UVRAG: variants seen among roughly 807,000 people sequenced by gnomAD.
The protein encoded by UVRAG is UV radiation resistance associated.
In UVRAG, 19 loss-of-function variants were observed where a neutral mutation model predicts 78.0. That is an observed-to-expected ratio of 0.24 (90% CI 0.17 to 0.36). The LOEUF (loss-of-function observed/expected upper bound fraction) is 0.36. Ranked by LOEUF, UVRAG falls within the 10% of genes least tolerant of loss-of-function variation. The pLI, the probability that UVRAG is intolerant of heterozygous loss-of-function variation, is 1.00. For synonymous variants in UVRAG, 323 were observed against 324.6 expected (o/e 1.00, Z 0.05); for missense variants, 740 against 853.8 (o/e 0.87, Z 1.66).
chr11:75,857,274 G>T (rs1284460637), intron 2 of UVRAG, among the ~76,000 whole-genome samples: 1 of 152,064 alleles, frequency 6.6e-6, no homozygotes, highest in African/African-American at 2.4e-5. Flanking sequence ...TTCCTAGAAG[G>T]CCTTTCATGA....
At chr11:76,052,308 G>A (rs972244459) in intron 12 of UVRAG, among the ~76,000 whole-genome samples, 1 of 152,180 alleles carries the variant, frequency 6.6e-6, no homozygotes, top group Non-Finnish European at 1.5e-5. Context: ...TGATGAAAGA[G>A]TTGCCCTTGT....
chr11:75,921,122 G>A (rs1000776375), intron 6 of UVRAG, among the ~76,000 whole-genome samples: 1 of 152,310 alleles, frequency 6.6e-6, no homozygotes, highest in African/African-American at 2.4e-5. Flanking sequence ...CTGAGTCAAA[G>A]GGTATGTATT....
At chr11:75,834,629 A>G (rs977626875) in intron 1 of UVRAG, among the ~76,000 whole-genome samples, 1 of 152,128 alleles carries the variant, frequency 6.6e-6, no homozygotes, top group Non-Finnish European at 1.5e-5. Flanking sequence ...CCTGGCTAAC[A>G]TGGTGAAACC....
chr11:76,099,009 T>C lies in UVRAG; in HGVS notation c.1306-16915T>C, dbSNP rs112258972. Among the ~76,000 whole-genome samples the C allele has an allele frequency of 2.0e-3, 299 of 152,320 alleles. 1 individual carries two copies. Among genetic ancestry groups the C allele is most frequent in the African/African-American group, 6.9e-3 (287 of 41,582 alleles). The stretch of plus-strand genomic sequence containing the variant: ...CTCTGAACTTTGCTTAGAGTCTTTC[T>C]AAGTCTCCACTCACTGGCCTCCTTT... On this transcript the variant is annotated intron_variant, in intron 13 of 14. Transcript: ENST00000356136.
In UVRAG at chr11:76,141,032, C is replaced by T. The variant is rs139069263; in HGVS notation, c.1719C>T (p.Asn573=). The stretch of plus-strand genomic sequence containing the variant: ...GAGAGGATCTAGTTGGCAGCTTAAA[C>T]GGAGGCCACGCGAATGTGCACCCTA... The part of the protein sequence containing the change: ...KKGEDLVGSL[N]GGHANVHPSQ... The change falls in exon 15 of 15, where the codon AAC becomes AAT. Residue 573 remains asparagine, a synonymous_variant. Transcript: ENST00000356136. The T allele has an allele frequency of 1.7e-4, 272 of 1,614,042 alleles. No individual in the cohort carries two copies. The highest frequency in any genetic ancestry group is 2.1e-4 in the Non-Finnish European group (249 of 1,180,044).
chr11:75,842,438 CTTTCT>C (rs1193284300), intron 1 of UVRAG, among the ~76,000 whole-genome samples: 2 of 145,142 alleles, frequency 1.4e-5, no homozygotes, highest in African/African-American at 5.1e-5. Flanking sequence ...CCTGCCTTTT[CTTTCT>C]TTTTTTTTTT....
At chr11:75,950,444 G>A (rs961124965) in intron 6 of UVRAG, among the ~76,000 whole-genome samples, 2 of 152,108 alleles carry the variant, frequency 1.3e-5, no homozygotes, top group African/African-American at 4.8e-5. Flanking sequence ...TAGCGACAGC[G>A]TCTTGCTGTG....
chr11:76,102,810 G>T (rs1951899993), intron 13 of UVRAG, among the ~76,000 whole-genome samples: 1 of 152,136 alleles, frequency 6.6e-6, no homozygotes, highest in African/African-American at 2.4e-5. Context: ...AGCCTTTTCT[G>T]CAACATCCAT....
At chr11:76,029,057 C>T (rs1487539558) in intron 12 of UVRAG, among the ~76,000 whole-genome samples, 1 of 152,142 alleles carries the variant, frequency 6.6e-6, no homozygotes, top group African/African-American at 2.4e-5. Flanking sequence ...TAAGCTAATG[C>T]TCAGTGACCA....
chr11:75,921,933 A>G (rs1466706304), intron 6 of UVRAG, among the ~76,000 whole-genome samples: 1 of 151,934 alleles, frequency 6.6e-6, no homozygotes, highest in Non-Finnish European at 1.5e-5. Flanking sequence ...TTTCAGATTG[A>G]TTTAACTACA....
chr11:76,126,916 T>C (rs190830139), intron 14 of UVRAG, among the ~76,000 whole-genome samples: 398 of 152,328 alleles, frequency 2.6e-3, no homozygotes, highest in Non-Finnish European at 4.4e-3. Flanking sequence ...CATTTCTTGC[T>C]CTACCTCACC....
chr11:76,124,414 A>G (rs1591263451), intron 14 of UVRAG, among the ~76,000 whole-genome samples: 1 of 152,208 alleles, frequency 6.6e-6, no homozygotes, highest in African/African-American at 2.4e-5. Context: ...ATTCCTATAC[A>G]TTGTTCACTC....
At chr11:76,063,705 A>G (rs1170964757) in intron 12 of UVRAG, among the ~76,000 whole-genome samples, 1 of 152,046 alleles carries the variant, frequency 6.6e-6, no homozygotes, top group African/African-American at 2.4e-5. Flanking sequence ...TTAATGTAAT[A>G]CTCCTTTAAT....
chr11:76,089,263 C>G (rs1951651158), intron 13 of UVRAG, among the ~76,000 whole-genome samples: 3 of 152,048 alleles, frequency 2.0e-5, no homozygotes. Flanking sequence ...AAATATATGC[C>G]TGTGGTAATA....
intron 6 of UVRAG, among the ~76,000 whole-genome samples, chr11:75,920,795 A>G (rs1043780472): frequency 6.6e-6 from 1 of 152,164 alleles, no homozygotes; most frequent in African/African-American, 2.4e-5. Flanking sequence ...GTTTGAATTA[A>G]TTTATAAAAT....
At chr11:76,025,931 C>T (rs1224209122) in intron 12 of UVRAG, among the ~76,000 whole-genome samples, 1 of 152,076 alleles carries the variant, frequency 6.6e-6, no homozygotes, top group Non-Finnish European at 1.5e-5. Context: ...GCCACATAGA[C>T]AGGTCAAGAG....
rs144707516 is a variant in UVRAG at position 76,087,400 on chromosome 11, G to A, written c.1305+21612G>A. 4.5e-3 allele frequency among the ~76,000 whole-genome samples: 690 copies of A among 152,154 alleles called. 5 individuals carry two copies. Among genetic ancestry groups the A allele is most frequent in the African/African-American group, 0.016 (652 of 41,494 alleles). On this transcript the variant is annotated intron_variant, in intron 13 of 14. Transcript: ENST00000356136. ...ACTCTGACTAATTAGGACTCTGCAC[G>A]CTTCATGTCCTCAGTGAATACTTAT...
intron 1 of UVRAG, among the ~76,000 whole-genome samples, chr11:75,837,802 A>G (rs181954906): frequency 2.0e-5 from 3 of 152,328 alleles, no homozygotes; most frequent in African/African-American, 7.2e-5. Context: ...TCTCCTATAT[A>G]TTCCATTCTA....
At chr11:76,131,990 T>C (rs1156624667) in intron 14 of UVRAG, among the ~76,000 whole-genome samples, 1 of 152,264 alleles carries the variant, frequency 6.6e-6, no homozygotes, top group African/African-American at 2.4e-5. Flanking sequence ...AAACTAACTT[T>C]ATGTCATAAT....
Sources: gnomAD v4.1 joint callset for allele counts (sites outside exome capture counted in the v4.1 genomes callset) on GRCh38, gnomAD v4.1.1 for gene constraint, MANE v1.5 for transcripts, NCBI Gene and HGNC (gene_info 2026-07-23, HGNC 2026-07-21) for gene names.